The following GRID2IP variants were observed in gnomAD, a reference collection of about 807,000 sequenced individuals.
The protein encoded by GRID2IP is Grid2 interacting protein.
GRID2IP carries 78 observed loss-of-function variants against 114.3 expected under a neutral mutation model. The observed-to-expected ratio is 0.68, with a 90% confidence interval of 0.57 to 0.82. GRID2IP has a LOEUF of 0.82. Among genes scored for constraint, GRID2IP ranks in the 40% least tolerant of loss-of-function variants. The pLI, the probability that GRID2IP is intolerant of heterozygous loss-of-function variation, is 0.00. For synonymous variants in GRID2IP, 809 were observed against 724.0 expected (o/e 1.12, Z -1.89); for missense variants, 1,727 against 1,678.5 (o/e 1.03, Z -0.51).
Position 6,526,403 on chromosome 7 carries a change from T to C in GRID2IP, c.834-94A>G. The C allele has an allele frequency of 1.3e-6, 2 of 1,510,200 alleles. No homozygotes were observed. The highest frequency in any genetic ancestry group is 1.8e-6 in the Non-Finnish European group (2 of 1,119,286). The allele number at this position is 1,510,200 out of a possible 1,614,324, so 93.5% of individuals were successfully genotyped here. ...CCCGTGTCCCTCTCCCCTTAACCTC[T>C]CCGGCCCCCTATGCACCCCAGATGC... On this transcript the variant is annotated intron_variant, in intron 3 of 21. Coordinates refer to ENST00000457091, the MANE Select transcript of GRID2IP (RefSeq NM_001145118.2). This position sits in a 1 kb window ranked among gnomAD's most constrained non-coding sequence, Gnocchi z 7.6.
At chr7:6,498,741 C>T (rs1003892660) in intron 20 of GRID2IP, among the ~76,000 whole-genome samples, 11 of 151,800 alleles carry the variant, frequency 7.2e-5, no homozygotes, top group Non-Finnish European at 2.9e-5. Context: ...TTTACACCAC[C>T]ATACCCAGCT....
intron 2 of GRID2IP, among the ~76,000 whole-genome samples, chr7:6,535,447 C>A (rs562260916): frequency 6.6e-6 from 1 of 152,350 alleles, no homozygotes; most frequent in East Asian, 1.9e-4. Flanking sequence ...CCACTGGGAT[C>A]ACCCTTTAGT....
intron 8 of GRID2IP, among the ~76,000 whole-genome samples, chr7:6,513,111 A>T (rs1016838228): frequency 6.6e-6 from 1 of 152,204 alleles, no homozygotes; most frequent in Non-Finnish European, 1.5e-5. Context: ...ATGGCACTGC[A>T]GGCCTGTGTG....
Position 6,520,680 on chromosome 7 carries a change from A to C in GRID2IP, c.1166T>G (p.Ile389Ser). ...QWVAEILPSS[I>S]RVQGRTFSQQ... is the part of the protein sequence containing the mutation. ...GCTGAAGGTCCTCCCTTGGACCCGG[A>C]TGCTGGACGGCAGGATCTCCGCCAC... Residue 389 changes from isoleucine to serine, a missense_variant, in exon 7 of 22, where the codon ATC (isoleucine) becomes AGC (serine). Coordinates refer to ENST00000457091, the MANE Select transcript of GRID2IP (RefSeq NM_001145118.2). The surrounding 1 kb of genome is among the most constrained non-coding windows in gnomAD (Gnocchi z 4.6). 1 of 1,551,702 alleles carries C rather than the reference A, an allele frequency of 6.4e-7. No homozygotes were observed. The highest frequency in any genetic ancestry group is 8.7e-7 in the Non-Finnish European group (1 of 1,146,980).
rs1413895179 is a variant in GRID2IP at position 6,500,843 on chromosome 7, C to T, written c.3399+938G>A. 3.3e-5 allele frequency among the ~76,000 whole-genome samples: 5 copies of T among 152,228 alleles called. No individual in the cohort carries two copies. In the East Asian group the frequency reaches 9.6e-4, roughly 29 times the overall value. ...CCTGTCTTCCCATCTGGGCCTCTGT[C>T]ACCCACTGGCCAGGCCCTGTTTGGA... On this transcript the variant is annotated intron_variant, in intron 20 of 21. Coordinates refer to ENST00000457091, the MANE Select transcript of GRID2IP (RefSeq NM_001145118.2).
At chr7:6,503,216 C>T in intron 16 of GRID2IP, 53 bp from the exon 17 acceptor site, 1 of 1,431,746 alleles carries the variant, frequency 7.0e-7, no homozygotes, top group Non-Finnish European at 9.3e-7. Context: ...GGACCCTCTG[C>T]CCCACCGCAG....
intron 8 of GRID2IP, among the ~76,000 whole-genome samples, chr7:6,512,786 C>G (rs1330242129): frequency 6.6e-6 from 1 of 152,160 alleles, no homozygotes; most frequent in Non-Finnish European, 1.5e-5. Context: ...GCTGGGATTA[C>G]AGACGTGAGT....
In GRID2IP at chr7:6,504,046, G is replaced by A. The variant is rs991755920; in HGVS notation, c.2711-359C>T. Among the ~76,000 whole-genome samples the A allele has an allele frequency of 5.3e-5, 8 of 151,268 alleles. No homozygotes were observed. The East Asian group carries it at 9.8e-4, about 18-fold the overall frequency. ...TACAGCGGGGAATCTGAAGGGGCAG[G>A]GGACAAGGGAAGCAGGTAGACCTGT... On this transcript the variant is annotated intron_variant, in intron 15 of 21. Transcript: ENST00000457091.
intron 7 of GRID2IP, among the ~76,000 whole-genome samples, chr7:6,518,108 T>C (rs1266391432): frequency 2.0e-5 from 3 of 149,924 alleles, no homozygotes; most frequent in African/African-American, 7.3e-5. Flanking sequence ...CGAGTGCCTG[T>C]AGTCCCAACT....
Position 6,505,784 on chromosome 7 carries a change from T to C in GRID2IP, c.2632+36A>G, listed in dbSNP as rs972059829. ...CCTGGGGCTGCCACAGATGGTGTGG[T>C]ATCTGGGGTTCCCCCAAGGCCATCA... On this transcript the variant is annotated intron_variant, in intron 14 of 21. Transcript: ENST00000457091. 6.7e-5 allele frequency: 90 copies of C among 1,348,144 alleles called. 1 individual carries two copies. The Middle Eastern group carries it at 1.4e-3, about 21-fold the overall frequency. 83.5% of individuals were successfully genotyped at this position (1,348,144 alleles called of 1,614,324 possible). A position where few individuals can be genotyped will look rare whatever the true frequency, so the allele number is the denominator to read the frequency against.
rs545904526 is a variant in GRID2IP at position 6,528,156 on chromosome 7, C to T, written c.585-1387G>A. On this transcript the variant is annotated intron_variant, in intron 2 of 21. Transcript: ENST00000457091. The surrounding 1 kb of genome is among the most constrained non-coding windows in gnomAD (Gnocchi z 6.0). ...AAGTGATACTCCCACCTCCACTTCT[C>T]GAAGTGCTGGGATTACAGGCGTGAG... is the stretch of plus-strand genomic sequence containing the variant. Among the ~76,000 whole-genome samples, 8 of 152,168 alleles carry T rather than the reference C, an allele frequency of 5.3e-5. No homozygotes were observed. The highest frequency in any genetic ancestry group is 1.0e-4 in the Non-Finnish European group (7 of 68,014).
At chr7:6,548,034 C>G (rs916063177) in intron 1 of GRID2IP, among the ~76,000 whole-genome samples, 3 of 152,162 alleles carry the variant, frequency 2.0e-5, no homozygotes, top group African/African-American at 7.2e-5. Context: ...TGACTATAGC[C>G]AATAATAACT....
intron 2 of GRID2IP, among the ~76,000 whole-genome samples, chr7:6,530,267 GTTGT>G (rs1554276910): frequency 6.0e-5 from 9 of 150,018 alleles, no homozygotes; most frequent in African/African-American, 9.8e-5. Flanking sequence ...CTTTTTTGTT[GTTGT>G]TTGTTTGTTT....
At chr7:6,503,219 C>G (rs1471695801) in intron 16 of GRID2IP, 56 bp from the exon 17 acceptor site, 1 of 1,406,638 alleles carries the variant, frequency 7.1e-7, no homozygotes, top group African/African-American at 1.5e-5. Flanking sequence ...CCCTCTGCCC[C>G]ACCGCAGGCT....
At chr7:6,502,716 G>A in intron 18 of GRID2IP, 70 bp downstream of exon 18, 1 of 1,137,946 alleles carries the variant, frequency 8.8e-7, no homozygotes, top group East Asian at 2.6e-5. Flanking sequence ...TGCCACAACT[G>A]AGCTAGGCCT....
In GRID2IP at chr7:6,510,975, G is replaced by A; in HGVS notation, c.1488C>T (p.Ser496=). 1 of 1,544,200 alleles carries A rather than the reference G, an allele frequency of 6.5e-7. No homozygotes were observed. The highest frequency in any genetic ancestry group is 8.7e-7 in the Non-Finnish European group (1 of 1,143,394). The change falls in exon 9 of 22, where the codon TCC becomes TCT. Residue 496 remains serine (S), a synonymous_variant. Transcript: ENST00000457091. Reference sequence around the variant, plus strand: ...GGCGGCACATGGAGGAAGCCCGCAGGGAGCTCCGCGGCTGGGGCTCAGGCG... The same window carrying A: ...GGCGGCACATGGAGGAAGCCCGCAGAGAGCTCCGCGGCTGGGGCTCAGGCG... ...EPTPEPQPRS[S]LRASSMCRRS...
intron 2 of GRID2IP, among the ~76,000 whole-genome samples, chr7:6,538,615 C>T (rs1779767236): frequency 6.6e-6 from 1 of 151,842 alleles, no homozygotes; most frequent in Non-Finnish European, 1.5e-5. Flanking sequence ...CAGTGGCTCA[C>T]GTCTGTAATC....
At chr7:6,504,258 G>A (rs1786508815) in intron 15 of GRID2IP, among the ~76,000 whole-genome samples, 1 of 149,844 alleles carries the variant, frequency 6.7e-6, no homozygotes, top group South Asian at 2.1e-4. Flanking sequence ...GAGCGGGGCT[G>A]CTGGTTGAGT....
intron 2 of GRID2IP, among the ~76,000 whole-genome samples, chr7:6,527,828 A>G (rs12112742): frequency 0.094 from 14,113 of 149,484 alleles, 753 homozygotes; most frequent in Middle Eastern, 0.14. Flanking sequence ...GTGAGATCTC[A>G]GCTCATTGGA....
Sources: allele counts gnomAD v4.1 joint callset (sites outside exome capture counted in the v4.1 genomes callset), GRCh38; gene constraint gnomAD v4.1.1; non-coding constraint Gnocchi (gnomAD v3.1); transcripts MANE v1.5; gene names NCBI Gene and HGNC (gene_info 2026-07-23, HGNC 2026-07-21).